PDIA4: variants seen among roughly 807,000 people sequenced by gnomAD.
The protein encoded by PDIA4 is protein disulfide-isomerase A4.
In PDIA4, 33 loss-of-function variants were observed where a neutral mutation model predicts 62.1. The observed-to-expected ratio is 0.53, with a 90% confidence interval of 0.40 to 0.71. The LOEUF (loss-of-function observed/expected upper bound fraction) is 0.71, where lower values mean the gene tolerates loss of function less well. PDIA4 is among the 30% of genes least tolerant of loss of function. The pLI is 0.00. For synonymous variants in PDIA4, 341 were observed against 324.1 expected (o/e 1.05, Z -0.56); for missense variants, 804 against 813.6 (o/e 0.99, Z 0.14).
At chr7:149,020,119 C>T (rs114826734) in intron 2 of PDIA4, among the ~76,000 whole-genome samples, 1,603 of 152,202 alleles carry the variant, frequency 0.011, 29 homozygotes, top group African/African-American at 0.037. Context: ...TGCCAACCAC[C>T]ATGCCTAATT....
Position 149,004,119 on chromosome 7 carries a change from A to G in PDIA4, c.1613T>C (p.Ile538Thr). The G allele has an allele frequency of 6.2e-7, 1 of 1,613,936 alleles. No homozygotes were observed. The highest frequency in any genetic ancestry group is 8.5e-7 in the Non-Finnish European group (1 of 1,179,978). ...KVVVGKTFDS[I>T]VMDPKKDVLI... Reference sequence around the variant, plus strand: ...GACGTCCTTCTTGGGGTCCATCACAATGGAGTCAAAGGTCTTTCCCACCAC... The same window carrying G: ...GACGTCCTTCTTGGGGTCCATCACAGTGGAGTCAAAGGTCTTTCCCACCAC... Residue 538 changes from isoleucine to threonine, a missense_variant, in exon 10 of 10, where the codon ATT (isoleucine) becomes ACT (threonine). Transcript: ENST00000652332.
At chr7:149,013,114 G>C (rs1418234878) in intron 4 of PDIA4, among the ~76,000 whole-genome samples, 1 of 152,148 alleles carries the variant, frequency 6.6e-6, no homozygotes, top group Non-Finnish European at 1.5e-5. Context: ...TGGGCATGGT[G>C]GTGGGCGCCT....
intron 6 of PDIA4, among the ~76,000 whole-genome samples, chr7:149,009,309 AC>A (rs1563120156): frequency 6.6e-6 from 1 of 152,144 alleles, no homozygotes; most frequent in Non-Finnish European, 1.5e-5. Flanking sequence ...AACAACAACA[AC>A]AAAAAAACCC....
intron 6 of PDIA4, among the ~76,000 whole-genome samples, chr7:149,011,630 G>C (rs1429414052): frequency 6.6e-6 from 1 of 152,152 alleles, no homozygotes; most frequent in Non-Finnish European, 1.5e-5. Flanking sequence ...GGACCGGTCT[G>C]ACTGTGCCCC....
chr7:149,017,350 G>A (rs1358579160), intron 3 of PDIA4, among the ~76,000 whole-genome samples: 13 of 152,150 alleles, frequency 8.5e-5, no homozygotes, highest in Non-Finnish European at 1.8e-4. Flanking sequence ...TTGGGAGGCC[G>A]AGGTGGGCGG....
Position 149,005,181 on chromosome 7 carries a change from G to T in PDIA4, c.1482C>A (p.Asp494Glu). Residue 494 changes from aspartate (D) to glutamate (E), a missense_variant, in exon 9 of 10, where the codon GAC becomes GAA. Transcript: ENST00000652332. ...TGACAAACTCGCGGAGGGTGTCAGAGTCAAACTCCTCTGGCTCCATGGCGA... is the reference window on the plus strand; with the variant it reads ...TGACAAACTCGCGGAGGGTGTCAGATTCAAACTCCTCTGGCTCCATGGCGA... ...KKFAMEPEEF[D>E]SDTLREFVTA... is the part of the protein sequence containing the mutation. The T allele has an allele frequency of 6.2e-7, 1 of 1,614,106 alleles. No individual in the cohort carries two copies. The highest frequency in any genetic ancestry group is 8.5e-7 in the Non-Finnish European group (1 of 1,179,954).
intron 2 of PDIA4, 30 bp from the exon 3 acceptor site, chr7:149,019,227 C>A (rs186555833): frequency 3.2e-5 from 48 of 1,480,986 alleles, no homozygotes; most frequent in Non-Finnish European, 4.5e-5. Context: ...GGGCAAAAAA[C>A]GTTAACTGTA....
At chr7:149,015,474 T>C (rs1301485505) in intron 3 of PDIA4, among the ~76,000 whole-genome samples, 1 of 118,768 alleles carries the variant, frequency 8.4e-6, no homozygotes, top group Admixed American at 1.1e-4. Flanking sequence ...CTATATTACA[T>C]ACGTCATAAG....
chr7:149,004,002 C>T lies in PDIA4; in HGVS notation c.1730G>A (p.Gly577Asp), dbSNP rs1823646791. The change falls in exon 10 of 10, where the codon GGC becomes GAC. Residue 577 changes from glycine to aspartate, a missense_variant. By Grantham distance (94) the Gly-to-Asp change is moderately conservative. Coordinates refer to ENST00000652332, the MANE Select transcript of PDIA4 (RefSeq NM_004911.5). Reference protein sequence around the residue: ...SLAKKYKGQKGLVIAKMDATA... With the variant: ...SLAKKYKGQKDLVIAKMDATA... ...GGCGTCCATCTTGGCGATGACCAGG[C>T]CCTTTTGGCCCTTGTACTTCTTGGC... is the stretch of plus-strand genomic sequence containing the variant. The T allele has an allele frequency of 6.2e-7, 1 of 1,613,994 alleles. No individual in the cohort carries two copies. The highest frequency in any genetic ancestry group is 8.5e-7 in the Non-Finnish European group (1 of 1,179,880).
rs6969638 is a variant in PDIA4 at position 149,003,718 on chromosome 7, G to A, written c.*76C>T. 157 of 1,099,026 alleles carry A rather than the reference G, an allele frequency of 1.4e-4. No homozygotes were observed. In the African/African-American group the frequency reaches 2.2e-3, roughly 15 times the overall value. The allele number at this position is 1,099,026 out of a possible 1,614,324, so 68.1% of individuals were successfully genotyped here. On this transcript the variant is annotated 3_prime_UTR_variant, in exon 10 of 10. Coordinates refer to ENST00000652332, the MANE Select transcript of PDIA4 (RefSeq NM_004911.5). ...ATCCGAGATACTGTCGTTTGTTGCC[G>A]GCCTCGGCGTGGACGCCCCGACCAT... is the stretch of plus-strand genomic sequence containing the variant.
chr7:149,005,753 G>A (rs1823733049), intron 8 of PDIA4, 144 bp downstream of exon 8: 2 of 611,670 alleles, frequency 3.3e-6, no homozygotes, highest in East Asian at 3.1e-5. Flanking sequence ...ATATACCTGA[G>A]CCACCAACGT....
intron 1 of PDIA4, 114 bp downstream of exon 1, chr7:149,028,207 G>C: frequency 1.4e-6 from 1 of 728,250 alleles, no homozygotes; most frequent in Non-Finnish European, 2.2e-6. Flanking sequence ...CCCATCACTA[G>C]TTCTGGAGCT....
intron 1 of PDIA4, among the ~76,000 whole-genome samples, chr7:149,027,510 G>A (rs912591803): frequency 9.2e-5 from 14 of 152,206 alleles, no homozygotes; most frequent in Admixed American, 3.3e-4. Context: ...GGGCAGAGAG[G>A]AAGAAGGTAA....
At chr7:149,019,746 G>A (rs11974099) in intron 2 of PDIA4, among the ~76,000 whole-genome samples, 139 of 152,330 alleles carry the variant, frequency 9.1e-4, no homozygotes, top group African/African-American at 3.2e-3. Context: ...AGAAGGTGGA[G>A]GTTGCAGTGA....
rs1419576037 is a variant in PDIA4, at chr7:149,003,894, T to C, written c.1838A>G (p.Asn613Ser). 13 of 1,613,140 alleles carry C rather than the reference T, an allele frequency of 8.1e-6. No individual in the cohort carries two copies. The highest frequency in any genetic ancestry group is 1.1e-5 in the Non-Finnish European group (13 of 1,179,712). Residue 613 changes from asparagine (N) to serine (S), a missense_variant, in exon 10 of 10, where the codon AAC becomes AGC. Physicochemically the swap from Asn to Ser is conservative, Grantham distance 46. Transcript: ENST00000652332. Reference protein sequence around the residue: ...IYFAPSGDKKNPVKFEGGDRD... With the variant: ...IYFAPSGDKKSPVKFEGGDRD... ...GTCTCCACCCTCAAATTTAACTGGG[T>C]TCTTTTTGTCCCCACTGGGGGCGAA... is the stretch of plus-strand genomic sequence containing the variant.
intron 3 of PDIA4, among the ~76,000 whole-genome samples, chr7:149,017,871 C>T (rs1398815252): frequency 1.3e-5 from 2 of 152,206 alleles, no homozygotes; most frequent in Non-Finnish European, 2.9e-5. Context: ...ACCTGTGGTT[C>T]TCAGCACATG....
chr7:149,025,070 C>CAAAA (rs1184341612), intron 1 of PDIA4, among the ~76,000 whole-genome samples: 55 of 70,200 alleles, frequency 7.8e-4, no homozygotes, highest in African/African-American at 2.1e-3. Flanking sequence ...AACTCCATCT[C>CAAAA]AAAAAAAAAA....
rs1823981837 is a variant in PDIA4 at position 149,012,464 on chromosome 7, C to T, written c.615-104G>A. 4.2e-6 allele frequency: 4 copies of T among 962,706 alleles called. No individual in the cohort carries two copies. The South Asian group carries it at 5.8e-5, about 14-fold the overall frequency. 59.6% of individuals were successfully genotyped at this position (962,706 alleles called of 1,614,324 possible). On this transcript the variant is annotated intron_variant, in intron 4 of 9. Transcript: ENST00000652332. ...ATCCTGTGCTCCCTAGTAACCTGGC[C>T]ACACCCAGTAAGCCTCCGAATGCCT...
intron 4 of PDIA4, among the ~76,000 whole-genome samples, chr7:149,013,881 C>T (rs1280417124): frequency 6.6e-6 from 1 of 152,186 alleles, no homozygotes; most frequent in Admixed American, 6.5e-5. Context: ...AGCCACAAAG[C>T]AACCCACCAG....
Sources: allele counts gnomAD v4.1 joint callset (sites outside exome capture counted in the v4.1 genomes callset), GRCh38; gene constraint gnomAD v4.1.1; transcripts MANE v1.5; gene names NCBI Gene and HGNC (gene_info 2026-07-23, HGNC 2026-07-21).